Variants in CHRNB3 observed in about 807,000 individuals in gnomAD.
The protein encoded by CHRNB3 is cholinergic receptor nicotinic beta 3 subunit.
Under a neutral mutation model 40.6 loss-of-function variants are expected in CHRNB3, and 37 were observed. That is an observed-to-expected ratio of 0.91 (90% confidence interval 0.70 to 1.20). The LOEUF (loss-of-function observed/expected upper bound fraction) is 1.20. Among genes scored for constraint, CHRNB3 ranks in the 50% most tolerant of loss-of-function variants. CHRNB3 has a pLI of 0.00. For synonymous variants in CHRNB3, 207 were observed against 207.1 expected, an observed-to-expected ratio of 1.00 and a Z score of 0.00; for missense variants, 505 against 551.2, an observed-to-expected ratio of 0.92 and a Z score of 0.84.
rs1002603880 is a variant in CHRNB3 at position 42,736,646 on chromosome 8, C to T, written c.*28C>T. 6.2e-6 allele frequency: 10 copies of T among 1,612,756 alleles called. No homozygotes were observed. The highest frequency in any genetic ancestry group is 3.3e-5 in the South Asian group (3 of 90,854). ...ATTTAAAAGACATAAGACTAAATTA[C>T]ACCTTAGACCTGACATCTGGCTATC... On this transcript the variant is annotated 3_prime_UTR_variant, in exon 6 of 6. Coordinates refer to ENST00000289957, the MANE Select transcript of CHRNB3 (RefSeq NM_000749.5).
intron 1 of CHRNB3, 89 bp from the exon 2 acceptor site, chr8:42,708,628 A>T (rs1815959436): frequency 7.0e-7 from 1 of 1,418,586 alleles, no homozygotes; most frequent in African/African-American, 1.4e-5. Flanking sequence ...CCTATGGTGC[A>T]GGAGGCCAAG....
At chr8:42,726,335 A>C in intron 3 of CHRNB3, 1 of 539,392 alleles carries the variant, frequency 1.9e-6, no homozygotes, top group South Asian at 2.7e-5. Flanking sequence ...TGCAAATGAC[A>C]TAATTGTCTA....
intron 1 of CHRNB3, among the ~76,000 whole-genome samples, chr8:42,706,631 C>T (rs969869958): frequency 2.6e-5 from 4 of 152,020 alleles, no homozygotes; most frequent in South Asian, 2.1e-4. Context: ...AGCAAATGCC[C>T]CCTAGAGCCT....
chr8:42,726,450 T>C (rs1816310780), intron 3 of CHRNB3, among the ~76,000 whole-genome samples: 1 of 150,554 alleles, frequency 6.6e-6, no homozygotes, highest in Non-Finnish European at 1.5e-5. Flanking sequence ...ATACTAACAA[T>C]GAACGACTGG....
At position 42,732,287 on chromosome 8, in the gene CHRNB3, C is replaced by A. The variant is rs202057288; in HGVS notation, c.980C>A (p.Thr327Lys). 1 of 1,607,730 alleles carries A rather than the reference C, an allele frequency of 6.2e-7. No homozygotes were observed. The highest frequency in any genetic ancestry group is 1.3e-5 in the African/African-American group (1 of 74,336). The stretch of plus-strand genomic sequence containing the variant: ...AACGTTCACCACAGATCTTCTTCCA[C>A]GTACCACCCCATGGCCCCCTGGGTT... Reference protein sequence around the residue: ...VINVHHRSSSTYHPMAPWVKR... With the variant: ...VINVHHRSSSKYHPMAPWVKR... Residue 327 changes from threonine (T) to lysine (K), a missense_variant, in exon 5 of 6, where the codon ACG becomes AAG. Physicochemically the swap from Thr to Lys is moderately conservative, Grantham distance 78 (BLOSUM62 -1). Coordinates refer to ENST00000289957, the MANE Select transcript of CHRNB3 (RefSeq NM_000749.5).
rs755347695 is a variant in CHRNB3 at position 42,732,279 on chromosome 8, T to A, written c.972T>A (p.Ser324=). Residue 324 remains serine, a synonymous_variant, in exon 5 of 6, where the codon TCT becomes TCA. Transcript: ENST00000289957. ...TVFVINVHHR[S]SSTYHPMAPW... is the part of the protein sequence containing the mutation. ...TTGTCATTAACGTTCACCACAGATC[T>A]TCTTCCACGTACCACCCCATGGCCC... The A allele has an allele frequency of 6.2e-7, 1 of 1,608,182 alleles. No homozygotes were observed. Among genetic ancestry groups the A allele is most frequent in the East Asian group, 2.2e-5 (1 of 44,876 alleles).
chr8:42,727,230 G>A (rs150694017), intron 3 of CHRNB3, among the ~76,000 whole-genome samples: 2,199 of 151,964 alleles, frequency 0.014, 56 homozygotes, highest in African/African-American at 0.049. Context: ...AAAATTAGCC[G>A]GGCGTGGTGG....
chr8:42,716,196 C>T (rs935040342), intron 3 of CHRNB3, among the ~76,000 whole-genome samples: 8 of 152,060 alleles, frequency 5.3e-5, no homozygotes, highest in African/African-American at 1.7e-4. Flanking sequence ...AGGCTGGCCT[C>T]GAACTCCTGA....
chr8:42,732,354 G>A lies in CHRNB3; in HGVS notation c.1047G>A (p.Met349Ile). 6.2e-7 allele frequency: 1 copy of A among 1,609,470 alleles called. No individual in the cohort carries two copies. The highest frequency in any genetic ancestry group is 8.5e-7 in the Non-Finnish European group (1 of 1,179,052). ...FLQKLPKLLC[M>I]KDHVDRYSSP... is the part of the protein sequence containing the mutation. ...AGAAACTTCCAAAATTACTTTGCAT[G>A]AAAGATCATGTGGATCGCTACTCAT... The change falls in exon 5 of 6, where the codon ATG (methionine) becomes ATA (isoleucine). Residue 349 changes from methionine to isoleucine, a missense_variant. Physicochemically the swap from Met to Ile is conservative, Grantham distance 10. Coordinates refer to ENST00000289957, the MANE Select transcript of CHRNB3 (RefSeq NM_000749.5).
At chr8:42,705,763 A>T (rs965183618) in intron 1 of CHRNB3, 12 of 152,418 alleles carry the variant, frequency 7.9e-5, no homozygotes, top group African/African-American at 2.9e-4. Flanking sequence ...ATGGAGGAGG[A>T]CAGCTGTGTC....
rs73633757 is a variant in CHRNB3 at position 42,737,246 on chromosome 8, A to G, written c.*628A>G. On this transcript the variant is annotated 3_prime_UTR_variant, in exon 6 of 6. Coordinates refer to ENST00000289957, the MANE Select transcript of CHRNB3 (RefSeq NM_000749.5). ...GTGTTATTCATGGTTTATTCCCAGC[A>G]TGATAAGGCTTTCAGATGGTGAAAC... 2 of 152,272 alleles carry G rather than the reference A, an allele frequency of 1.3e-5. No individual in the cohort carries two copies. The highest frequency in any genetic ancestry group is 2.9e-5 in the Non-Finnish European group (2 of 68,132). 9.4% of individuals were successfully genotyped at this position (152,272 alleles called of 1,614,324 possible).
chr8:42,703,440 T>TATATATATATA (rs1554589400), intron 1 of CHRNB3, among the ~76,000 whole-genome samples: 1 of 80,718 alleles, frequency 1.2e-5, no homozygotes, highest in Admixed American at 1.6e-4. Flanking sequence ...AAAAAAATAT[T>TATATATATATA]TATATATATA....
intron 1 of CHRNB3, among the ~76,000 whole-genome samples, chr8:42,702,883 G>A (rs559746572): frequency 6.6e-6 from 1 of 152,174 alleles, no homozygotes; most frequent in Non-Finnish European, 1.5e-5. Context: ...GCAAATATAT[G>A]TATATCGAAT....
At chr8:42,701,454 C>T (rs9643891) in intron 1 of CHRNB3, among the ~76,000 whole-genome samples, 93,163 of 151,658 alleles carry the variant, frequency 0.61, 33,161 homozygotes, top group East Asian at 0.8. Context: ...TGAGGCAGGA[C>T]GATCACATGA....
At chr8:42,736,232 G>A (rs1459935881) in intron 5 of CHRNB3, among the ~76,000 whole-genome samples, 2 of 152,124 alleles carry the variant, frequency 1.3e-5, no homozygotes, top group African/African-American at 4.8e-5. Context: ...GTTGACATAT[G>A]CATACAGAAT....
chr8:42,703,287 G>A (rs897527742), intron 1 of CHRNB3, among the ~76,000 whole-genome samples: 3 of 151,296 alleles, frequency 2.0e-5, no homozygotes, highest in Non-Finnish European at 4.4e-5. Flanking sequence ...AGCTGGGCAT[G>A]TTGGTGCACG....
chr8:42,717,201 G>A (rs1244722210), intron 3 of CHRNB3, among the ~76,000 whole-genome samples: 3 of 135,334 alleles, frequency 2.2e-5, no homozygotes, highest in African/African-American at 8.7e-5. Flanking sequence ...GTGAAACCCC[G>A]TCTCTACTAA....
At chr8:42,717,907 AC>A (rs756714041) in intron 3 of CHRNB3, among the ~76,000 whole-genome samples, 46 of 138,312 alleles carry the variant, frequency 3.3e-4, no homozygotes, top group Non-Finnish European at 5.6e-4. Context: ...ATCTCGGCTC[AC>A]CACAACCTCC....
Position 42,732,429 on chromosome 8 carries a change from A to G in CHRNB3, c.1122A>G (p.Glu374=), listed in dbSNP as rs1036054771. 9.9e-6 allele frequency: 16 copies of G among 1,614,032 alleles called. No individual in the cohort carries two copies. Among genetic ancestry groups the G allele is most frequent in the Non-Finnish European group, 1.3e-5 (15 of 1,180,042 alleles). ...SQPVVKGKVL[E]KKKQKQLSDG... is the part of the protein sequence containing the mutation. ...CAGTAGTGAAAGGCAAAGTCCTCGA[A>G]AAAAAGAAACAGAAACAGCTTAGTG... Residue 374 remains glutamate (E), a synonymous_variant, in exon 5 of 6, where the codon GAA becomes GAG. Transcript: ENST00000289957.
Sources: gnomAD v4.1 joint callset for allele counts (sites outside exome capture counted in the v4.1 genomes callset) on GRCh38, gnomAD v4.1.1 for gene constraint, MANE v1.5 for transcripts, NCBI Gene and HGNC (gene_info 2026-07-23, HGNC 2026-07-21) for gene names.